TENM2: variants seen among roughly 807,000 people sequenced by gnomAD.
The protein encoded by TENM2 is teneurin-2.
In TENM2, 52 loss-of-function variants were observed where a neutral mutation model predicts 245.2. That is an observed-to-expected ratio of 0.21 (90% CI 0.17 to 0.27). TENM2 has a LOEUF of 0.27. Ranked by LOEUF, TENM2 falls within the 10% of genes least tolerant of loss-of-function variation. TENM2 has a pLI of 1.00. For synonymous variants in TENM2, 1,363 were observed against 1,438.9 expected, an observed-to-expected ratio of 0.95 and a Z score of 1.19; for missense variants, 3,046 against 3,666.8, an observed-to-expected ratio of 0.83 and a Z score of 4.37.
chr5:168,182,010 G>A (rs973376630), intron 13 of TENM2, among the ~76,000 whole-genome samples: 9 of 152,092 alleles, frequency 5.9e-5, no homozygotes, highest in African/African-American at 2.2e-4. Context: ...GAGAATGGCC[G>A]TTGCTCTGTG....
chr5:167,885,446 C>G (rs1462734010), intron 3 of TENM2, among the ~76,000 whole-genome samples: 1 of 152,074 alleles, frequency 6.6e-6, no homozygotes, highest in Non-Finnish European at 1.5e-5. Context: ...AACATCTAGG[C>G]TTAGGTGCAT....
chr5:167,435,179 G>C (rs1220017532), intron 2 of TENM2, among the ~76,000 whole-genome samples: 1 of 152,178 alleles, frequency 6.6e-6, no homozygotes, highest in Non-Finnish European at 1.5e-5. Flanking sequence ...AATGTAATCA[G>C]AGAGATCTGG....
intron 2 of TENM2, among the ~76,000 whole-genome samples, chr5:167,870,554 C>CATATATATATAT (rs60172043): frequency 2.0e-4 from 26 of 128,378 alleles, no homozygotes; most frequent in African/African-American, 7.0e-4. Flanking sequence ...AATGTGTATA[C>CATATATATATAT]ATATATATAT....
chr5:167,830,597 A>G (rs1400800600), intron 2 of TENM2, among the ~76,000 whole-genome samples: 1 of 152,156 alleles, frequency 6.6e-6, no homozygotes, highest in African/African-American at 2.4e-5. Flanking sequence ...AAACAAATCA[A>G]TGTTGTGTAC....
intron 2 of TENM2, among the ~76,000 whole-genome samples, chr5:167,640,880 T>TATATATATATCC (rs1779545156): frequency 1.6e-5 from 1 of 62,968 alleles, no homozygotes; most frequent in Admixed American, 1.5e-4. Context: ...TATATATATA[T>TATATATATATCC]ATATATATAT....
intron 1 of TENM2, among the ~76,000 whole-genome samples, chr5:167,371,378 G>A (rs979137599): frequency 1.6e-5 from 2 of 126,822 alleles, no homozygotes; most frequent in African/African-American, 3.0e-5. Flanking sequence ...TTTTTGAAAC[G>A]GAGTTTCGCT....
At chr5:167,457,426 G>A (rs866339496) in intron 2 of TENM2, among the ~76,000 whole-genome samples, 2 of 151,762 alleles carry the variant, frequency 1.3e-5, no homozygotes, top group Admixed American at 1.3e-4. Context: ...TCCACCTCCC[G>A]GGTTCAAGCG....
At chr5:167,710,387 T>C (rs944596137) in intron 2 of TENM2, among the ~76,000 whole-genome samples, 1 of 152,142 alleles carries the variant, frequency 6.6e-6, no homozygotes, top group African/African-American at 2.4e-5. Flanking sequence ...GTCACATTCT[T>C]ATATCTGCTG....
intron 2 of TENM2, among the ~76,000 whole-genome samples, chr5:167,760,335 G>A (rs990840318): frequency 6.6e-6 from 1 of 152,184 alleles, no homozygotes; most frequent in African/African-American, 2.4e-5. Flanking sequence ...GACACTTTCT[G>A]TTATTACTTT....
intron 3 of TENM2, among the ~76,000 whole-genome samples, chr5:167,947,733 A>T (rs1476491341): frequency 6.6e-6 from 1 of 152,220 alleles, no homozygotes; most frequent in Non-Finnish European, 1.5e-5. Flanking sequence ...GTGGTTCAAG[A>T]GAAGAAGGCA....
In TENM2 at chr5:167,722,235, C is replaced by T. The variant is rs956810425; in HGVS notation, c.503-153751C>T. On this transcript the variant is annotated intron_variant, in intron 2 of 28. Coordinates refer to ENST00000518659, the Ensembl canonical transcript of TENM2. ...TGTCAGCAAGCATGTGCCTGTGGCTCGCTGCATGATTAGCCGTTAATATTT... is the reference window on the plus strand; with the variant it reads ...TGTCAGCAAGCATGTGCCTGTGGCTTGCTGCATGATTAGCCGTTAATATTT... 5.9e-5 allele frequency among the ~76,000 whole-genome samples: 9 copies of T among 152,186 alleles called. 1 individual carries two copies. Among genetic ancestry groups the T allele is most frequent in the Admixed American group, 3.9e-4 (6 of 15,284 alleles).
At chr5:167,415,777 G>T (rs556967060) in intron 2 of TENM2, among the ~76,000 whole-genome samples, 2 of 152,108 alleles carry the variant, frequency 1.3e-5, no homozygotes, top group Admixed American at 1.3e-4. Flanking sequence ...ACTTCTGGAG[G>T]TTATGTTGAA....
chr5:168,074,773 C>T (rs540334996), intron 7 of TENM2, among the ~76,000 whole-genome samples: 8 of 152,176 alleles, frequency 5.3e-5, no homozygotes, highest in Non-Finnish European at 1.2e-4. Context: ...AATCATCCCC[C>T]AGATATTTCA....
intron 2 of TENM2, among the ~76,000 whole-genome samples, chr5:167,380,428 TTACTGTAAAGGAGAACAGAG>T (rs1391272088): frequency 1.3e-5 from 2 of 152,158 alleles, no homozygotes; most frequent in African/African-American, 2.4e-5. Context: ...AATTCTTACG[TTACTGTAAAGGAGAACAGAG>T]TACTTCAAGG....
chr5:167,523,626 A>G (rs561928982), intron 2 of TENM2, among the ~76,000 whole-genome samples: 1 of 152,254 alleles, frequency 6.6e-6, no homozygotes, highest in East Asian at 1.9e-4. Flanking sequence ...TATGCGCCAC[A>G]TTTGCTGTGA....
At chr5:167,633,738 T>C (rs1198257033) in intron 2 of TENM2, among the ~76,000 whole-genome samples, 1 of 152,164 alleles carries the variant, frequency 6.6e-6, no homozygotes, top group Non-Finnish European at 1.5e-5. Flanking sequence ...AATCACCTTA[T>C]GTGACCCAGG....
the TENM2 span, among the ~76,000 whole-genome samples, chr5:167,027,505 A>G: frequency 6.6e-6 from 1 of 152,200 alleles, no homozygotes; most frequent in East Asian, 1.9e-4. Context: ...GCTAACTTTT[A>G]AAAAATGGTA....
At chr5:167,862,942 AGTCAGC>A (rs1771958532) in intron 2 of TENM2, among the ~76,000 whole-genome samples, 1 of 152,212 alleles carries the variant, frequency 6.6e-6, no homozygotes, top group South Asian at 2.1e-4. Context: ...TACCATTTCC[AGTCAGC>A]CCTCCTGCCC....
intron 2 of TENM2, among the ~76,000 whole-genome samples, chr5:167,395,200 G>A (rs1429023528): frequency 6.6e-6 from 1 of 152,124 alleles, no homozygotes; most frequent in Non-Finnish European, 1.5e-5. Context: ...CACTGTACAA[G>A]TCGTTCACTG....
Sources: gnomAD v4.1 joint callset for allele counts (sites outside exome capture counted in the v4.1 genomes callset) on GRCh38, gnomAD v4.1.1 for gene constraint, MANE v1.5 for transcripts, NCBI Gene and HGNC (gene_info 2026-07-23, HGNC 2026-07-21) for gene names.